Variants in STAB1 observed in about 807,000 individuals in gnomAD.
The protein encoded by STAB1 is stabilin-1.
Under a neutral mutation model 332.4 loss-of-function variants are expected in STAB1, and 250 were observed. The observed-to-expected ratio is 0.75, with a 90% CI of 0.68 to 0.84. The LOEUF is 0.84. STAB1 is among the 40% of genes least tolerant of loss of function. The pLI, the probability that STAB1 is intolerant of heterozygous loss-of-function variation, is 0.00. For synonymous variants in STAB1, 1,475 were observed against 1,390.4 expected (o/e 1.06, Z -1.35); for missense variants, 3,249 against 3,489.7 (o/e 0.93, Z 1.74).
intron 32 of STAB1, 36 bp from the exon 33 acceptor site, chr3:52,514,079 T>A: frequency 6.2e-7 from 1 of 1,609,596 alleles, no homozygotes; most frequent in African/African-American, 1.3e-5. Context: ...GACTGACAAC[T>A]AATATGCCCA....
Position 52,524,186 on chromosome 3 carries a change from C to T in STAB1, c.7629C>T (p.Gly2543=). The T allele has an allele frequency of 1.2e-6, 2 of 1,614,096 alleles. No homozygotes were observed. Among genetic ancestry groups the T allele is most frequent in the Non-Finnish European group, 8.5e-7 (1 of 1,180,022 alleles). The change falls in exon 68 of 69, where the codon GGC becomes GGT. Residue 2543 remains glycine (G), a synonymous_variant. Transcript: ENST00000321725. ...TLVSVPNPVF[G]SDTFCEPFDD... ...TCTCTGTCCCCAACCCTGTCTTTGG[C>T]AGCGACACCTTTTGTGAACCCTTCG... is the stretch of plus-strand genomic sequence containing the variant.
intron 52 of STAB1, 34 bp downstream of exon 52, chr3:52,520,324 T>G: frequency 1.2e-6 from 2 of 1,612,750 alleles, no homozygotes; most frequent in African/African-American, 2.7e-5. Context: ...ATGAAGGGAG[T>G]AGGAGGCAGG....
intron 53 of STAB1, 22 bp from the exon 54 acceptor site, chr3:52,520,620 T>A (rs754800922): frequency 1.2e-6 from 2 of 1,612,828 alleles, no homozygotes; most frequent in South Asian, 1.1e-5. Context: ...GACTTTGCTG[T>A]ATTGGCCTCC....
intron 55 of STAB1, 76 bp from the exon 56 acceptor site, chr3:52,521,285 C>T: frequency 6.3e-7 from 1 of 1,590,962 alleles, no homozygotes; most frequent in Non-Finnish European, 8.6e-7. Flanking sequence ...GATGGCAGGG[C>T]TAGGCTGGAG....
intron 16 of STAB1, 96 bp downstream of exon 16, chr3:52,506,032 C>T: frequency 1.9e-6 from 3 of 1,542,074 alleles, no homozygotes; most frequent in Non-Finnish European, 2.7e-6. Context: ...TCTCCATCTC[C>T]CTTCCCTTCT....
In STAB1 at chr3:52,495,388, T is replaced by C. The variant is rs578086290; in HGVS notation, c.-26T>C. Reference sequence around the variant, plus strand: ...GAGCTCATTCCCTACGCCCCGACTCTGTCCTGGACAGCGTGCCCACCAGCC... The same window carrying C: ...GAGCTCATTCCCTACGCCCCGACTCCGTCCTGGACAGCGTGCCCACCAGCC... On this transcript the variant is annotated 5_prime_UTR_variant, in exon 1 of 69. Coordinates refer to ENST00000321725, the MANE Select transcript of STAB1 (RefSeq NM_015136.3). 3.3e-5 allele frequency: 44 copies of C among 1,321,430 alleles called. 1 individual carries two copies. In the South Asian group the frequency reaches 1.1e-3, roughly 32 times the overall value. 81.9% of individuals were successfully genotyped at this position (1,321,430 alleles called of 1,614,324 possible).
chr3:52,517,339 C>G lies in STAB1; in HGVS notation c.4509C>G (p.Ile1503Met), dbSNP rs1267411535. 6.3e-7 allele frequency: 1 copy of G among 1,595,626 alleles called. No homozygotes were observed. The highest frequency in any genetic ancestry group is 1.3e-5 in the African/African-American group (1 of 74,152). The change falls in exon 43 of 69, where the codon ATC becomes ATG. Residue 1503 changes from isoleucine (I) to methionine (M), a missense_variant. Ile to Met is a conservative substitution (Grantham distance 10, BLOSUM62 1). Coordinates refer to ENST00000321725, the MANE Select transcript of STAB1 (RefSeq NM_015136.3). ...ELCQEINSCL[I>M]HHGGCHIHAE... is the part of the protein sequence containing the mutation. ...CCCCAGAAATTAACAGCTGTCTCAT[C>G]CACCACGGGGGCTGCCACATTCACG...
At chr3:52,497,733 G>A (rs527493636) in intron 1 of STAB1, among the ~76,000 whole-genome samples, 1 of 152,214 alleles carries the variant, frequency 6.6e-6, no homozygotes, top group East Asian at 1.9e-4. Context: ...TTTATACCAG[G>A]GACTTGAGCA....
rs372560660 is a variant in STAB1 at position 52,513,157 on chromosome 3, C to T, written c.3186C>T (p.Phe1062=). The part of the protein sequence containing the change: ...VRAHFLQGAL[F]EEELARLGGQ... Reference sequence around the variant, plus strand: ...CCCATTTTCTCCAGGGTGCCCTCTTCGAGGAGGAGCTGGCCCGGCTGGGTG... The same window carrying T: ...CCCATTTTCTCCAGGGTGCCCTCTTTGAGGAGGAGCTGGCCCGGCTGGGTG... The change falls in exon 30 of 69, where the codon TTC becomes TTT. Residue 1062 remains phenylalanine, a synonymous_variant. Coordinates refer to ENST00000321725, the MANE Select transcript of STAB1 (RefSeq NM_015136.3). 2.2e-5 allele frequency: 35 copies of T among 1,576,878 alleles called. No individual in the cohort carries two copies. Among genetic ancestry groups the T allele is most frequent in the South Asian group, 7.0e-5 (6 of 86,034 alleles).
chr3:52,524,113 CTGA>C lies in STAB1; in HGVS notation c.7560_7562del (p.Asp2522del). The C allele has an allele frequency of 6.2e-7, 1 of 1,613,708 alleles. No homozygotes were observed. The highest frequency in any genetic ancestry group is 1.1e-5 in the South Asian group (1 of 91,092). On this transcript the variant is annotated inframe_deletion, in exon 68 of 69. Transcript: ENST00000321725. ...TGCTGCTCCCAGGCGGAAGATGATG[CTGA>C]TGACGACTTCTCACCGTGGCAAGAA... is the stretch of plus-strand genomic sequence containing the variant.
In STAB1 at chr3:52,521,060, C is replaced by T. The variant is rs1378383909; in HGVS notation, c.5908+55C>T. ...CCTCTGTTCCCCAAGAGAGCCAAGG[C>T]ACAGCTCTGGCCATTGTCCTTGAGA... On this transcript the variant is annotated intron_variant, in intron 55 of 68. Transcript: ENST00000321725. The T allele has an allele frequency of 4.1e-6, 6 of 1,473,762 alleles. No individual in the cohort carries two copies. In the East Asian group the frequency reaches 7.3e-5, roughly 18 times the overall value. 91.3% of individuals were successfully genotyped at this position (1,473,762 alleles called of 1,614,324 possible).
intron 1 of STAB1, among the ~76,000 whole-genome samples, chr3:52,497,310 G>A (rs1418165442): frequency 6.6e-6 from 1 of 150,726 alleles, no homozygotes; most frequent in Non-Finnish European, 1.5e-5. Flanking sequence ...ACTTTTCTAT[G>A]TACATAGCAT....
intron 29 of STAB1, 37 bp downstream of exon 29, chr3:52,512,995 C>G: frequency 1.1e-5 from 18 of 1,598,442 alleles, no homozygotes; most frequent in Non-Finnish European, 1.5e-5. Flanking sequence ...GAGGGGCTTC[C>G]TTGAGGGACC....
At chr3:52,519,425 G>C in intron 49 of STAB1, 21 bp downstream of exon 49, 2 of 1,612,260 alleles carry the variant, frequency 1.2e-6, no homozygotes, top group Non-Finnish European at 8.5e-7. Context: ...CACGGGCCTG[G>C]GAGCTGGAAG....
chr3:52,501,581 G>T (rs1708445715), intron 2 of STAB1, 57 bp from the exon 3 acceptor site: 1 of 1,471,728 alleles, frequency 6.8e-7, no homozygotes, highest in Non-Finnish European at 9.3e-7. Flanking sequence ...TGGGGAGGCT[G>T]GGTGGGGGCT....
intron 51 of STAB1, 25 bp downstream of exon 51, chr3:52,520,145 C>T (rs201666503): frequency 3.1e-6 from 5 of 1,612,540 alleles, no homozygotes; most frequent in Non-Finnish European, 2.5e-6. Flanking sequence ...CAACCTTGGT[C>T]TTCACTGCCT....
In STAB1 at chr3:52,502,701, G is replaced by C. The variant is rs1256503435; in HGVS notation, c.557G>C (p.Gly186Ala). The C allele has an allele frequency of 6.2e-7, 1 of 1,613,656 alleles. No individual in the cohort carries two copies. Among genetic ancestry groups the C allele is most frequent in the Non-Finnish European group, 8.5e-7 (1 of 1,179,906 alleles). Reference sequence around the variant, plus strand: ...GATGGAAGCTGCCTGTGCTTTGCTGGATACACTGGCCCCCACTGTGATCAA... The same window carrying C: ...GATGGAAGCTGCCTGTGCTTTGCTGCATACACTGGCCCCCACTGTGATCAA... ...RGDGSCLCFAGYTGPHCDQEL... is the reference protein window; with the variant it reads ...RGDGSCLCFAAYTGPHCDQEL... The change falls in exon 6 of 69, where the codon GGA becomes GCA. Residue 186 changes from glycine to alanine, a missense_variant. Coordinates refer to ENST00000321725, the MANE Select transcript of STAB1 (RefSeq NM_015136.3).
In STAB1 at chr3:52,518,786, C is replaced by T; in HGVS notation, c.4951C>T (p.Arg1651Trp). 1 of 1,612,238 alleles carries T rather than the reference C, an allele frequency of 6.2e-7. No homozygotes were observed. The highest frequency in any genetic ancestry group is 2.2e-5 in the East Asian group (1 of 44,870). Residue 1651 changes from arginine to tryptophan, a missense_variant, in exon 48 of 69, where the codon CGG becomes TGG. Transcript: ENST00000321725. ...LVFRYHVVGC[R>W]RLRSEDLLEQ... ...GTTTCGCTACCACGTGGTTGGCTGT[C>T]GGCGGCTGCGGAGCGAGGACCTGCT...
At chr3:52,518,505 AT>A in intron 46 of STAB1, 30 bp from the exon 47 acceptor site, 1 of 1,568,006 alleles carries the variant, frequency 6.4e-7, no homozygotes, top group Non-Finnish European at 8.7e-7. Flanking sequence ...GGCTTCTCCC[AT>A]TCCACTCATG....
Sources: gnomAD v4.1 joint callset for allele counts (sites outside exome capture counted in the v4.1 genomes callset) on GRCh38, gnomAD v4.1.1 for gene constraint, MANE v1.5 for transcripts, NCBI Gene and HGNC (gene_info 2026-07-23, HGNC 2026-07-21) for gene names.